The following C8A variants were observed in gnomAD, a reference collection of about 807,000 sequenced individuals.
C8A encodes the protein complement C8 alpha chain.
Under a neutral mutation model 65.3 loss-of-function variants are expected in C8A, and 67 were observed. The observed-to-expected ratio is 1.03, with a 90% CI of 0.84 to 1.26. The LOEUF is 1.26. Ranked by LOEUF, C8A falls within the 50% of genes most tolerant of loss-of-function variation. The pLI, the probability that C8A is intolerant of heterozygous loss-of-function variation, is 0.00. For synonymous variants in C8A, 290 were observed against 259.4 expected (o/e 1.12, Z -1.13); for missense variants, 781 against 723.9 (o/e 1.08, Z -0.90).
chr1:56,866,927 C>T (rs1403503275), intron 1 of C8A, among the ~76,000 whole-genome samples: 1 of 152,152 alleles, frequency 6.6e-6, no homozygotes, highest in African/African-American at 2.4e-5. Context: ...GCCATCAAAC[C>T]AACTAGTTCC....
chr1:56,912,282 G>T, intron 9 of C8A, 121 bp from the exon 10 acceptor site: 1 of 784,926 alleles, frequency 1.3e-6, no homozygotes, highest in Non-Finnish European at 2.1e-6. Context: ...GGGATAAATT[G>T]GGTGTCTGTG....
At chr1:56,886,877 T>C (rs1644304563) in intron 7 of C8A, among the ~76,000 whole-genome samples, 2 of 152,154 alleles carry the variant, frequency 1.3e-5, no homozygotes, top group Non-Finnish European at 2.9e-5. Context: ...GTTCTCAAAG[T>C]GTGGGCCCCA....
intron 9 of C8A, among the ~76,000 whole-genome samples, chr1:56,911,943 T>G (rs1287419511): frequency 6.6e-6 from 1 of 152,182 alleles, no homozygotes; most frequent in Non-Finnish European, 1.5e-5. Flanking sequence ...CTAAGCCCAC[T>G]TGGGATTGGG....
intron 1 of C8A, among the ~76,000 whole-genome samples, chr1:56,861,510 C>A (rs1482197420): frequency 6.6e-6 from 1 of 152,100 alleles, no homozygotes; most frequent in East Asian, 1.9e-4. Flanking sequence ...GGGATCTGCC[C>A]CATGACCCAA....
At chr1:56,866,565 G>A (rs899601549) in intron 1 of C8A, among the ~76,000 whole-genome samples, 7 of 152,328 alleles carry the variant, frequency 4.6e-5, no homozygotes, top group Admixed American at 1.3e-4. Context: ...TCATTAGCAT[G>A]AGATTTGAAA....
chr1:56,865,671 C>A (rs1210147975), intron 1 of C8A, among the ~76,000 whole-genome samples: 1 of 151,976 alleles, frequency 6.6e-6, no homozygotes, highest in Non-Finnish European at 1.5e-5. Flanking sequence ...ATTTGGCATG[C>A]ATTGTATAAA....
chr1:56,866,979 C>T (rs1644095577), intron 1 of C8A, among the ~76,000 whole-genome samples: 1 of 152,140 alleles, frequency 6.6e-6, no homozygotes. Context: ...TTCAGGGCTA[C>T]TTAGCTTTTA....
intron 10 of C8A, among the ~76,000 whole-genome samples, chr1:56,913,706 T>C (rs1644528588): frequency 6.6e-6 from 1 of 152,176 alleles, no homozygotes; most frequent in South Asian, 2.1e-4. Context: ...GACTACCTAA[T>C]CAATGTACAC....
chr1:56,894,514 GA>G (rs1248916141), intron 7 of C8A, among the ~76,000 whole-genome samples: 2 of 152,168 alleles, frequency 1.3e-5, no homozygotes, highest in Admixed American at 1.3e-4. Context: ...CTTCCAGCAA[GA>G]GTTCAGTACA....
chr1:56,898,896 G>A (rs576385739), intron 7 of C8A, among the ~76,000 whole-genome samples: 14 of 152,284 alleles, frequency 9.2e-5, no homozygotes, highest in African/African-American at 3.4e-4. Context: ...ACAATAAGGA[G>A]GGTAAGGTGG....
chr1:56,863,230 T>A (rs1008565228), intron 1 of C8A, among the ~76,000 whole-genome samples: 1 of 152,222 alleles, frequency 6.6e-6, no homozygotes, highest in Non-Finnish European at 1.5e-5. Flanking sequence ...CTGTATTACT[T>A]TTATAATCAT....
chr1:56,885,322 T>TTTATATATATTTACATAAATATA (rs1557705468), intron 6 of C8A, among the ~76,000 whole-genome samples: 1 of 116,466 alleles, frequency 8.6e-6, no homozygotes, highest in African/African-American at 4.2e-5. Context: ...ATAAATATAT[T>TTTATATATATTTACATAAATATA]TATTTAAATA....
intron 2 of C8A, among the ~76,000 whole-genome samples, chr1:56,872,754 A>G (rs181439927): frequency 2.6e-5 from 4 of 152,290 alleles, no homozygotes; most frequent in Admixed American, 2.0e-4. Context: ...AGTTTCATGT[A>G]AGGAAATTAT....
intron 6 of C8A, among the ~76,000 whole-genome samples, chr1:56,884,550 G>T (rs1198887648): frequency 6.6e-6 from 1 of 152,128 alleles, no homozygotes; most frequent in African/African-American, 2.4e-5. Flanking sequence ...CTAGAGCTTT[G>T]CCAAAGAATT....
chr1:56,866,151 G>C (rs1644086307), intron 1 of C8A, among the ~76,000 whole-genome samples: 1 of 152,162 alleles, frequency 6.6e-6, no homozygotes, highest in Admixed American at 6.5e-5. Context: ...AACCATGTGA[G>C]GCTGACTTTT....
At chr1:56,898,459 C>T (rs1298921689) in intron 7 of C8A, among the ~76,000 whole-genome samples, 3 of 152,132 alleles carry the variant, frequency 2.0e-5, no homozygotes, top group Non-Finnish European at 4.4e-5. Flanking sequence ...ACTTACCATA[C>T]TCTTTCTCCT....
chr1:56,862,530 T>G (rs1400615227), intron 1 of C8A, among the ~76,000 whole-genome samples: 1 of 152,202 alleles, frequency 6.6e-6, no homozygotes, highest in African/African-American at 2.4e-5. Context: ...CATGGAACTT[T>G]TCTCCTCTTC....
At chr1:56,892,485 G>T (rs115942991) in intron 7 of C8A, among the ~76,000 whole-genome samples, 1 of 151,886 alleles carries the variant, frequency 6.6e-6, no homozygotes. Flanking sequence ...CATTTCAGCC[G>T]CCTTTACTGG....
intron 7 of C8A, among the ~76,000 whole-genome samples, chr1:56,905,230 A>G (rs766616273): frequency 3.3e-5 from 5 of 152,188 alleles, no homozygotes; most frequent in Non-Finnish European, 5.9e-5. Context: ...TCAGAAACTG[A>G]TATCCAAAGA....
Sources: allele counts gnomAD v4.1 joint callset (sites outside exome capture counted in the v4.1 genomes callset), GRCh38; gene constraint gnomAD v4.1.1; transcripts MANE v1.5; gene names NCBI Gene and HGNC (gene_info 2026-07-23, HGNC 2026-07-21).